PIEZO2: variants seen among roughly 807,000 people sequenced by gnomAD.
PIEZO2 encodes piezo type mechanosensitive ion channel component 2.
Under a neutral mutation model 337.3 loss-of-function variants are expected in PIEZO2, and 172 were observed. That is an observed-to-expected ratio of 0.51 (90% CI 0.45 to 0.58). The LOEUF is 0.58. Among genes scored for constraint, PIEZO2 ranks in the 20% least tolerant of loss-of-function variants. The probability of loss-of-function intolerance (pLI) is 0.00; values close to 1 mark genes in which losing one functional copy is unlikely to be tolerated. For synonymous variants in PIEZO2, 1,251 were observed against 1,228.5 expected (o/e 1.02, Z -0.38); for missense variants, 3,028 against 3,391.3 (o/e 0.89, Z 2.66).
chr18:10,844,112 G>A lies in PIEZO2; in HGVS notation c.917+11241C>T, dbSNP rs143616503. Among the ~76,000 whole-genome samples the A allele has an allele frequency of 1.6e-3, 241 of 152,278 alleles. 4 individuals carry two copies. Among genetic ancestry groups the A allele is most frequent in the African/African-American group, 5.4e-3 (226 of 41,554 alleles). On this transcript the variant is annotated intron_variant, in intron 7 of 55. Coordinates refer to ENST00000674853, the MANE Select transcript of PIEZO2 (RefSeq NM_001378183.1). Reference sequence around the variant, plus strand: ...TCAGAGAGAATTGGGCTCAAACCCTGGTTCTGTCATTTAATAAAGGTGTGG... The same window carrying A: ...TCAGAGAGAATTGGGCTCAAACCCTAGTTCTGTCATTTAATAAAGGTGTGG...
At chr18:10,944,490 TATATATATATATATATCTTAGTAACAG>T (rs1322578729) in intron 3 of PIEZO2, among the ~76,000 whole-genome samples, 1,553 of 27,492 alleles carry the variant, frequency 0.056, 24 homozygotes, top group Middle Eastern at 0.19. Flanking sequence ...CTTAGTAACA[TATATATATATATATATCTTAGTAACAG>T]ATATATATAT....
intron 27 of PIEZO2, among the ~76,000 whole-genome samples, 199 bp downstream of exon 27, chr18:10,757,770 T>A (rs1009341946): frequency 6.6e-6 from 1 of 152,134 alleles, no homozygotes; most frequent in African/African-American, 2.4e-5. Flanking sequence ...GCGGTTTACA[T>A]TGACAAAAGC....
chr18:10,733,799 G>A (rs1256833020), intron 35 of PIEZO2, among the ~76,000 whole-genome samples: 5 of 152,122 alleles, frequency 3.3e-5, no homozygotes, highest in African/African-American at 9.7e-5. Flanking sequence ...AGCTGGATGC[G>A]CCTCTCTGGA....
chr18:10,788,047 C>T (rs1308051932), intron 15 of PIEZO2, among the ~76,000 whole-genome samples: 1 of 152,054 alleles, frequency 6.6e-6, no homozygotes, highest in Non-Finnish European at 1.5e-5. Context: ...CAAAAGTATA[C>T]CTAGGAATAC....
chr18:11,139,994 T>C (rs989656515), intron 1 of PIEZO2, among the ~76,000 whole-genome samples: 1 of 152,178 alleles, frequency 6.6e-6, no homozygotes, highest in African/African-American at 2.4e-5. Flanking sequence ...CTGTTCTCCA[T>C]GATGGCAATG....
Position 10,871,177 on chromosome 18 carries a change from T to G in PIEZO2, c.492+76A>C, listed in dbSNP as rs889301938. On this transcript the variant is annotated intron_variant, in intron 5 of 55. Transcript: ENST00000674853. ...CGTGCTCTGTATGCTCAGCTGTTAT[T>G]ATCATAGTTCTGCAACTTATTAAGG... The G allele has an allele frequency of 2.2e-5, 30 of 1,376,254 alleles. No homozygotes were observed. In the Middle Eastern group the frequency reaches 1.3e-3, roughly 59 times the overall value. 85.3% of individuals were successfully genotyped at this position (1,376,254 alleles called of 1,614,324 possible).
At chr18:11,089,701 A>G (rs2039014390) in intron 1 of PIEZO2, among the ~76,000 whole-genome samples, 1 of 152,212 alleles carries the variant, frequency 6.6e-6, no homozygotes, top group Non-Finnish European at 1.5e-5. Context: ...CAGAGTGTCC[A>G]TCTCCTCAAA....
At chr18:10,891,063 T>G (rs1052187364) in intron 4 of PIEZO2, among the ~76,000 whole-genome samples, 4 of 152,100 alleles carry the variant, frequency 2.6e-5, no homozygotes, top group Non-Finnish European at 5.9e-5. Flanking sequence ...CTGGAAGCGG[T>G]GGCTCACGCC....
At chr18:11,059,303 T>G (rs2037851142) in intron 2 of PIEZO2, among the ~76,000 whole-genome samples, 2 of 152,168 alleles carry the variant, frequency 1.3e-5, no homozygotes, top group Non-Finnish European at 2.9e-5. Context: ...TGCAAAAACA[T>G]GCCAAATTGT....
At chr18:10,771,136 G>T (rs1421978593) in intron 20 of PIEZO2, among the ~76,000 whole-genome samples, 1 of 152,114 alleles carries the variant, frequency 6.6e-6, no homozygotes, top group African/African-American at 2.4e-5. Flanking sequence ...TTGCCACAAC[G>T]GCACTTTTAT....
chr18:10,782,403 A>ATAATATATTATAATTATATATATAAT (rs2039051646), intron 17 of PIEZO2, among the ~76,000 whole-genome samples: 1 of 43,030 alleles, frequency 2.3e-5, no homozygotes. Context: ...ATAAATAATT[A>ATAATATATTATAATTATATATATAAT]TATAATATAT....
At chr18:10,840,010 T>G (rs77455413) in intron 7 of PIEZO2, among the ~76,000 whole-genome samples, 8,838 of 152,284 alleles carry the variant, frequency 0.058, 359 homozygotes, top group Non-Finnish European at 0.084. Context: ...GGATAAAGTC[T>G]TAACTGTTTG....
In PIEZO2 at chr18:11,080,260, T is replaced by C. The variant is rs146393112; in HGVS notation, c.65-14038A>G. Among the ~76,000 whole-genome samples the C allele has an allele frequency of 3.0e-4, 45 of 152,384 alleles. No individual in the cohort carries two copies. The highest frequency in any genetic ancestry group is 1.0e-3 in the African/African-American group (43 of 41,590). ...GTTTTTCACGATGTCTATGTGTATA[T>C]TTTGTATTTACAAAATAAAATTAAA... is the stretch of plus-strand genomic sequence containing the variant. On this transcript the variant is annotated intron_variant, in intron 1 of 55. Coordinates refer to ENST00000674853, the MANE Select transcript of PIEZO2 (RefSeq NM_001378183.1). This position sits in a 1 kb window ranked among gnomAD's most constrained non-coding sequence, Gnocchi z 5.4.
Position 11,148,092 on chromosome 18 carries a change from T to A in PIEZO2, c.64+433A>T, listed in dbSNP as rs938088761. Among the ~76,000 whole-genome samples the A allele has an allele frequency of 6.6e-6, 1 of 152,130 alleles. No individual in the cohort carries two copies. The highest frequency in any genetic ancestry group is 1.5e-5 in the Non-Finnish European group (1 of 68,030). On this transcript the variant is annotated intron_variant, in intron 1 of 55. Transcript: ENST00000674853. The surrounding 1 kb of genome is among the most constrained non-coding windows in gnomAD (Gnocchi z 5.2). ...TTCACGGTTGCTGGGATTTGGGGTC[T>A]GGGAGAGATGGCCTCTGGGCCGTCT...
intron 30 of PIEZO2, among the ~76,000 whole-genome samples, chr18:10,747,408 A>G (rs1192689010): frequency 6.6e-6 from 1 of 152,246 alleles, no homozygotes; most frequent in Non-Finnish European, 1.5e-5. Flanking sequence ...GGAAAGGCAA[A>G]CAAGATGCAT....
chr18:10,909,933 A>G (rs1471067278), intron 4 of PIEZO2, among the ~76,000 whole-genome samples: 1 of 152,224 alleles, frequency 6.6e-6, no homozygotes, highest in Non-Finnish European at 1.5e-5. Context: ...AGGTGTTGGT[A>G]GGGAAATAAA....
At chr18:10,998,197 C>T (rs2035397642) in intron 2 of PIEZO2, among the ~76,000 whole-genome samples, 1 of 151,964 alleles carries the variant, frequency 6.6e-6, no homozygotes, top group South Asian at 2.1e-4. Flanking sequence ...AGAAAATATC[C>T]TCAGAGGAAG....
Position 10,775,602 on chromosome 18 carries a change from C to G in PIEZO2, c.2535-1564G>C, listed in dbSNP as rs1311316434. Among the ~76,000 whole-genome samples, 1 of 152,202 alleles carries G rather than the reference C, an allele frequency of 6.6e-6. No homozygotes were observed. The highest frequency in any genetic ancestry group is 1.5e-5 in the Non-Finnish European group (1 of 68,040). ...GAAACTCAAAGAGGGGAGGCTGTTT[C>G]CACAGCTGCTACTACAGCTACACAG... On this transcript the variant is annotated intron_variant, in intron 18 of 55. Coordinates refer to ENST00000674853, the MANE Select transcript of PIEZO2 (RefSeq NM_001378183.1). The surrounding 1 kb of genome is among the most constrained non-coding windows in gnomAD (Gnocchi z 4.3).
intron 2 of PIEZO2, among the ~76,000 whole-genome samples, chr18:11,064,150 A>G (rs2038069598): frequency 6.6e-6 from 1 of 152,188 alleles, no homozygotes; most frequent in African/African-American, 2.4e-5. Context: ...GGTCTAACAC[A>G]AGATGCCTCA....
Sources: gnomAD v4.1 joint callset for allele counts (sites outside exome capture counted in the v4.1 genomes callset) on GRCh38, gnomAD v4.1.1 for gene constraint, Gnocchi (gnomAD v3.1) non-coding constraint, MANE v1.5 for transcripts, NCBI Gene and HGNC (gene_info 2026-07-23, HGNC 2026-07-21) for gene names.